The following ARHGAP10 variants were observed in gnomAD, a reference collection of about 807,000 sequenced individuals.
ARHGAP10 encodes the protein Rho GTPase activating protein 10.
A neutral mutation model predicts 108.6 loss-of-function variants in ARHGAP10; 87 were observed. The ratio of observed to expected loss-of-function variants is 0.80; its 90% CI spans 0.67 to 0.96. The LOEUF (loss-of-function observed/expected upper bound fraction) is 0.96, where lower values mean the gene tolerates loss of function less well. Among genes scored for constraint, ARHGAP10 ranks in the 40% least tolerant of loss-of-function variants. ARHGAP10 has a pLI of 0.00. For missense variants in ARHGAP10, 939 were observed against 954.5 expected (o/e 0.98, Z 0.21); for synonymous variants, 347 against 341.1 (o/e 1.02, Z -0.19).
At chr4:147,879,376 G>A in intron 9 of ARHGAP10, 38 bp downstream of exon 9, 3 of 1,554,610 alleles carry the variant, frequency 1.9e-6, no homozygotes, top group Admixed American at 1.8e-5. Context: ...ATTATAATCT[G>A]TCAGAGGTAG....
At chr4:148,050,945 A>G (rs943709716) in intron 20 of ARHGAP10, among the ~76,000 whole-genome samples, 3 of 152,234 alleles carry the variant, frequency 2.0e-5, no homozygotes, top group Non-Finnish European at 2.9e-5. Flanking sequence ...ATAGGAGGCA[A>G]TGCCTTTACT....
chr4:147,876,525 G>A (rs925771605), intron 8 of ARHGAP10, among the ~76,000 whole-genome samples: 1 of 151,968 alleles, frequency 6.6e-6, no homozygotes, highest in African/African-American at 2.4e-5. Context: ...CCTGGGAGGC[G>A]GAGCTTGCAG....
chr4:147,852,520 T>A (rs1733910835), intron 4 of ARHGAP10, among the ~76,000 whole-genome samples: 1 of 152,024 alleles, frequency 6.6e-6, no homozygotes, highest in Admixed American at 6.6e-5. Context: ...ACACTTGCCT[T>A]GGGAGTTAAG....
At chr4:147,878,542 C>T (rs1247976029) in intron 8 of ARHGAP10, among the ~76,000 whole-genome samples, 1 of 152,064 alleles carries the variant, frequency 6.6e-6, no homozygotes, top group Non-Finnish European at 1.5e-5. Context: ...TTTTGAGAGG[C>T]CAGAATTAAA....
At chr4:147,864,098 A>T (rs1406370532) in intron 5 of ARHGAP10, 1 of 152,268 alleles carries the variant, frequency 6.6e-6, no homozygotes, top group African/African-American at 2.4e-5. Flanking sequence ...TAGGAAAAAT[A>T]TCACATGATA....
chr4:147,947,141 G>T (rs887447590), intron 15 of ARHGAP10, among the ~76,000 whole-genome samples: 1 of 151,438 alleles, frequency 6.6e-6, no homozygotes. Flanking sequence ...TACTTGGTGA[G>T]GTTTTAAGAT....
intron 10 of ARHGAP10, among the ~76,000 whole-genome samples, chr4:147,890,402 A>G (rs1735752269): frequency 2.0e-5 from 3 of 152,242 alleles, no homozygotes; most frequent in South Asian, 4.1e-4. Flanking sequence ...AAGACCACAG[A>G]TTTGAAAATA....
Position 148,011,914 on chromosome 4 carries a change from A to G in ARHGAP10, c.1717-11349A>G, listed in dbSNP as rs77742673. ...TGGGATTTGAATTACATAAAAATCT[A>G]TGTGCTAATCCCCCAGTAACTAAAC... is the stretch of plus-strand genomic sequence containing the variant. On this transcript the variant is annotated intron_variant, in intron 18 of 22. Coordinates refer to ENST00000336498, the MANE Select transcript of ARHGAP10 (RefSeq NM_024605.4). 3.9e-3 allele frequency among the ~76,000 whole-genome samples: 588 copies of G among 152,320 alleles called. 4 individuals are homozygous for G. Among genetic ancestry groups the G allele is most frequent in the African/African-American group, 0.014 (566 of 41,578 alleles).
chr4:147,732,543 C>G, intron 1 of ARHGAP10, 88 bp downstream of exon 1: 2 of 1,541,172 alleles, frequency 1.3e-6, no homozygotes, highest in Non-Finnish European at 1.8e-6. Context: ...GGTCTTGTGT[C>G]CGGGGCCAGC....
intron 7 of ARHGAP10, among the ~76,000 whole-genome samples, chr4:147,872,353 T>C (rs903695786): frequency 3.9e-5 from 6 of 152,064 alleles, no homozygotes; most frequent in African/African-American, 7.2e-5. Flanking sequence ...AATTCACAAA[T>C]TTGGAAGGAG....
chr4:148,017,400 C>T (rs980570584), intron 18 of ARHGAP10, among the ~76,000 whole-genome samples: 10 of 152,056 alleles, frequency 6.6e-5, no homozygotes, highest in African/African-American at 1.9e-4. Flanking sequence ...CATTCCAAAA[C>T]TAAACAAGTA....
At chr4:147,923,845 A>G (rs1181898118) in intron 13 of ARHGAP10, among the ~76,000 whole-genome samples, 2 of 152,370 alleles carry the variant, frequency 1.3e-5, no homozygotes, top group East Asian at 1.9e-4. Flanking sequence ...CTTCAGGGGT[A>G]TGGAAAGGAA....
At chr4:147,903,490 A>AT (rs1206612041) in intron 10 of ARHGAP10, among the ~76,000 whole-genome samples, 3 of 152,232 alleles carry the variant, frequency 2.0e-5, no homozygotes, top group Non-Finnish European at 4.4e-5. Flanking sequence ...CATAGTTTAC[A>AT]TTAGGGCTCA....
chr4:147,863,391 C>G (rs913111226), intron 5 of ARHGAP10: 7 of 152,350 alleles, frequency 4.6e-5, no homozygotes, highest in African/African-American at 1.7e-4. Flanking sequence ...GCCTGATGTC[C>G]TCAAGGTTTA....
intron 20 of ARHGAP10, among the ~76,000 whole-genome samples, chr4:148,060,353 T>C (rs1462907296): frequency 1.3e-5 from 2 of 151,446 alleles, no homozygotes; most frequent in South Asian, 2.1e-4. Context: ...TAGTTTTTTT[T>C]TTTTTTTTTT....
chr4:147,753,319 G>T (rs564276672), intron 1 of ARHGAP10, among the ~76,000 whole-genome samples: 13 of 151,260 alleles, frequency 8.6e-5, no homozygotes, highest in African/African-American at 3.1e-4. Context: ...CATTTCTAGT[G>T]TTGAGTTTAC....
At chr4:147,793,101 C>T (rs889093483) in intron 1 of ARHGAP10, among the ~76,000 whole-genome samples, 3 of 152,052 alleles carry the variant, frequency 2.0e-5, no homozygotes, top group African/African-American at 7.2e-5. Flanking sequence ...GATTGCACCA[C>T]TGCACTCCAG....
intron 19 of ARHGAP10, among the ~76,000 whole-genome samples, chr4:148,039,797 C>G (rs181009563): frequency 1.3e-4 from 20 of 152,146 alleles, no homozygotes; most frequent in Admixed American, 5.9e-4. Flanking sequence ...ACTCTCAGTC[C>G]TTTATAATTG....
At chr4:148,049,198 CT>C (rs1195631604) in intron 20 of ARHGAP10, among the ~76,000 whole-genome samples, 2 of 152,038 alleles carry the variant, frequency 1.3e-5, no homozygotes, top group Non-Finnish European at 2.9e-5. Flanking sequence ...TCCTGTAGGT[CT>C]CACTGAGACC....
Sources: allele counts gnomAD v4.1 joint callset (sites outside exome capture counted in the v4.1 genomes callset), GRCh38; gene constraint gnomAD v4.1.1; transcripts MANE v1.5; gene names NCBI Gene and HGNC (gene_info 2026-07-23, HGNC 2026-07-21).